Variants in HTT observed in about 807,000 individuals in gnomAD.
The protein encoded by HTT is huntingtin, also known as huntington disease protein.
In HTT, 104 loss-of-function variants were observed where a neutral mutation model predicts 362.3. That is an observed-to-expected ratio of 0.29 (90% CI 0.24 to 0.34). The LOEUF is 0.34. HTT is among the 10% of genes least tolerant of loss of function. The pLI is 1.00. For synonymous variants in HTT, 1,577 were observed against 1,548.7 expected (o/e 1.02, Z -0.43); for missense variants, 3,301 against 3,928.6 (o/e 0.84, Z 4.27).
Position 3,230,053 on chromosome 4 carries a change from G to A in HTT, c.8265+11G>A, listed in dbSNP as rs1399827919. On this transcript the variant is annotated intron_variant, in intron 60 of 66. Coordinates refer to ENST00000355072, the MANE Select transcript of HTT (RefSeq NM_001388492.1). ...GCCGTCCTTGGGATGGTAAGTGACA[G>A]GTGGCACAGAGGTTTCTGTGCTGAA... 1 of 1,612,842 alleles carries A rather than the reference G, an allele frequency of 6.2e-7. No individual in the cohort carries two copies. Among genetic ancestry groups the A allele is most frequent in the Admixed American group, 1.7e-5 (1 of 60,026 alleles).
At chr4:3,224,993 G>C (rs1346634478) in intron 56 of HTT, among the ~76,000 whole-genome samples, 2 of 152,140 alleles carry the variant, frequency 1.3e-5, no homozygotes, top group Non-Finnish European at 2.9e-5. Flanking sequence ...GCTCCAAGGG[G>C]AGCAAGTGCT....
intron 34 of HTT, among the ~76,000 whole-genome samples, chr4:3,177,652 A>G (rs1291962633): frequency 3.9e-5 from 6 of 152,214 alleles, no homozygotes; most frequent in African/African-American, 9.6e-5. Context: ...GTGTTGACAG[A>G]TGGTGGAATG....
chr4:3,152,962 T>A (rs1359472894), intron 26 of HTT, among the ~76,000 whole-genome samples: 4 of 152,122 alleles, frequency 2.6e-5, no homozygotes, highest in African/African-American at 9.7e-5. Flanking sequence ...ACCTTTCATT[T>A]ACTGTCTGCA....
Position 3,121,303 on chromosome 4 carries a change from C to A in HTT, c.1144C>A (p.Gln382Lys). Reference protein sequence around the residue: ...VVTGALELLQQLFRTPPPELL... With the variant: ...VVTGALELLQKLFRTPPPELL... ...GACCGGAGCCCTGGAGCTGTTGCAG[C>A]AGCTCTTCAGAACGCCTCCACCCGA... Residue 382 changes from glutamine to lysine, a missense_variant, in exon 9 of 67, where the codon CAG becomes AAG. This residue lies in a region of HTT where 2,316 missense variants were observed against 2,658.5 expected (regional missense o/e 0.87). Transcript: ENST00000355072. 6.2e-7 allele frequency: 1 copy of A among 1,614,034 alleles called. No individual in the cohort carries two copies. Among genetic ancestry groups the A allele is most frequent in the Non-Finnish European group, 8.5e-7 (1 of 1,179,882 alleles).
rs1720213490 is a variant in HTT, at chr4:3,212,586, C to T, written c.6651C>T (p.Ser2217=). Reference sequence around the variant, plus strand: ...CAGGGGATGCTGCACTGTATCAGTCCCTGCCCACTCTGGCCCGGGCCCTGG... The same window carrying T: ...CAGGGGATGCTGCACTGTATCAGTCTCTGCCCACTCTGGCCCGGGCCCTGG... The part of the protein sequence containing the change: ...DLFGDAALYQ[S]LPTLARALAQ... The change falls in exon 49 of 67, where the codon TCC becomes TCT. Residue 2217 remains serine (S), a synonymous_variant. Coordinates refer to ENST00000355072, the MANE Select transcript of HTT (RefSeq NM_001388492.1). The T allele has an allele frequency of 6.8e-6, 11 of 1,614,230 alleles. No individual in the cohort carries two copies. Among genetic ancestry groups the T allele is most frequent in the Non-Finnish European group, 9.3e-6 (11 of 1,180,042 alleles).
chr4:3,086,472 C>A lies in HTT; in HGVS notation c.264-467C>A, dbSNP rs547938878. The stretch of plus-strand genomic sequence containing the variant: ...GATCGCTTGAGGCCAGGAGTTTGAG[C>A]AATTGGGCAACATCGTGAGGCCCCG... On this transcript the variant is annotated intron_variant, in intron 1 of 66. Transcript: ENST00000355072. 7.2e-5 allele frequency among the ~76,000 whole-genome samples: 11 copies of A among 152,198 alleles called. No individual in the cohort carries two copies. The South Asian group carries it at 2.1e-3, about 29-fold the overall frequency.
At chr4:3,189,989 C>T (rs1421738815) in intron 40 of HTT, among the ~76,000 whole-genome samples, 2 of 152,106 alleles carry the variant, frequency 1.3e-5, no homozygotes, top group African/African-American at 2.4e-5. Flanking sequence ...GCACTCCAGC[C>T]TCGGCTATAG....
intron 21 of HTT, among the ~76,000 whole-genome samples, chr4:3,140,117 C>T (rs1012459947): frequency 6.6e-6 from 1 of 151,948 alleles, no homozygotes; most frequent in African/African-American, 2.4e-5. Flanking sequence ...AAAAATTAGC[C>T]GGGCGCGGTG....
At chr4:3,099,423 C>T (rs758001585) in intron 3 of HTT, 29 bp downstream of exon 3, 1 of 1,612,408 alleles carries the variant, frequency 6.2e-7, no homozygotes, top group Admixed American at 1.7e-5. Flanking sequence ...ATGTTCTCCT[C>T]AGAGCTATCA....
rs750511949 is a variant in HTT at position 3,239,829 on chromosome 4, C to T, written c.9216-17C>T. 33 of 1,549,742 alleles carry T rather than the reference C, an allele frequency of 2.1e-5. 1 individual carries two copies. The South Asian group carries it at 3.8e-4, about 18-fold the overall frequency. On this transcript the variant is annotated splice_polypyrimidine_tract_variant and intron_variant, in intron 66 of 66. Coordinates refer to ENST00000355072, the MANE Select transcript of HTT (RefSeq NM_001388492.1). Reference sequence around the variant, plus strand: ...TTCCCCTCATTTGCCGGCCTTTTTCCTTAACTCCTGCACCAGCCTCCCACA... The same window carrying T: ...TTCCCCTCATTTGCCGGCCTTTTTCTTTAACTCCTGCACCAGCCTCCCACA...
Position 3,211,909 on chromosome 4 carries a change from C to T in HTT, c.6415-20C>T. ...TAATCTGTTGTTATTGTTTGTTAAC[C>T]TTTAATGCTCTGATTTCAGGAGTTC... On this transcript the variant is annotated intron_variant, in intron 47 of 66. Transcript: ENST00000355072. 1 of 1,576,196 alleles carries T rather than the reference C, an allele frequency of 6.3e-7. No individual in the cohort carries two copies. Among genetic ancestry groups the T allele is most frequent in the Non-Finnish European group, 8.7e-7 (1 of 1,145,606 alleles).
chr4:3,235,734 G>C lies in HTT; in HGVS notation c.8741G>C (p.Arg2914Pro). The change falls in exon 63 of 67, where the codon CGG (arginine) becomes CCG (proline). Residue 2914 changes from arginine (R) to proline (P), a missense_variant. Physicochemically the swap from Arg to Pro is moderately radical, Grantham distance 103. Around this residue, in one of 4 missense-constraint regions of HTT, gnomAD observed 753 missense variants for 1,021.3 expected, o/e 0.74. Coordinates refer to ENST00000355072, the MANE Select transcript of HTT (RefSeq NM_001388492.1). ...VDRVNVHSPH[R>P]AMAALGLMLT... is the part of the protein sequence containing the mutation. ...AGAGTGAACGTGCACAGCCCGCACC[G>C]GGCCATGGCGGCTCTGGGCCTGATG... 1 of 1,611,622 alleles carries C rather than the reference G, an allele frequency of 6.2e-7. No homozygotes were observed. Among genetic ancestry groups the C allele is most frequent in the Non-Finnish European group, 8.5e-7 (1 of 1,179,996 alleles).
intron 29 of HTT, among the ~76,000 whole-genome samples, chr4:3,162,875 G>A (rs915965476): frequency 6.6e-6 from 1 of 152,108 alleles, no homozygotes; most frequent in African/African-American, 2.4e-5. Context: ...CTGCAAACAG[G>A]GACAGTTTTA....
chr4:3,203,886 G>A, intron 41 of HTT, 121 bp from the exon 42 acceptor site: 2 of 887,058 alleles, frequency 2.3e-6, no homozygotes, highest in East Asian at 2.5e-5. Flanking sequence ...TTCTGATATG[G>A]CAATATTTAA....
At chr4:3,084,224 C>G (rs1465075237) in intron 1 of HTT, among the ~76,000 whole-genome samples, 11 of 106,994 alleles carry the variant, frequency 1.0e-4, no homozygotes, top group Admixed American at 2.5e-4. Flanking sequence ...TTTTTTTTGG[C>G]GACAGAGTCT....
chr4:3,198,348 C>A (rs1719367325), intron 40 of HTT, among the ~76,000 whole-genome samples: 1 of 151,600 alleles, frequency 6.6e-6, no homozygotes, highest in Non-Finnish European at 1.5e-5. Flanking sequence ...CTCCCGCCTC[C>A]CAAATACCTG....
At chr4:3,175,172 A>T in intron 33 of HTT, 65 bp downstream of exon 33, 1 of 1,416,608 alleles carries the variant, frequency 7.1e-7, no homozygotes, top group Non-Finnish European at 9.7e-7. Context: ...ACCCTAAAAG[A>T]CACTGAAATC....
At chr4:3,170,450 C>G (rs571038821) in intron 29 of HTT, among the ~76,000 whole-genome samples, 13 of 152,312 alleles carry the variant, frequency 8.5e-5, no homozygotes, top group African/African-American at 2.9e-4. Context: ...TGTGTGAGCG[C>G]TGAGCTCTGC....
In HTT at chr4:3,211,991, C is replaced by T. The variant is rs1430877369; in HGVS notation, c.6477C>T (p.Gly2159=). ...LSLGMSEISG[G]QKSALFEAAR... ...TAGGGATGAGTGAAATTTCTGGTGG[C>T]CAGAAGAGTGCCCTTTTTGAAGCAG... The change falls in exon 48 of 67, where the codon GGC becomes GGT. Residue 2159 remains glycine, a synonymous_variant. Coordinates refer to ENST00000355072, the MANE Select transcript of HTT (RefSeq NM_001388492.1). 3 of 1,614,124 alleles carry T rather than the reference C, an allele frequency of 1.9e-6. No homozygotes were observed. The South Asian group carries it at 3.3e-5, about 18-fold the overall frequency.
Sources: gnomAD v4.1 joint callset for allele counts (sites outside exome capture counted in the v4.1 genomes callset) on GRCh38, gnomAD v4.1.1 for gene constraint, gnomAD v4.1.1 regional missense constraint, MANE v1.5 for transcripts, NCBI Gene and HGNC (gene_info 2026-07-23, HGNC 2026-07-21) for gene names.